DLG2: variants seen among roughly 807,000 people sequenced by gnomAD.
The protein encoded by DLG2 is disks large homolog 2.
In DLG2, 45 loss-of-function variants were observed where a neutral mutation model predicts 132.5. The ratio of observed to expected loss-of-function variants is 0.34; its 90% CI spans 0.27 to 0.44. DLG2 has a LOEUF of 0.44. DLG2 is among the 20% of genes least tolerant of loss of function. DLG2 has a pLI of 1.00. For synonymous variants in DLG2, 424 were observed against 419.6 expected (o/e 1.01, Z -0.13); for missense variants, 1,045 against 1,196.9 (o/e 0.87, Z 1.87).
intron 6 of DLG2, among the ~76,000 whole-genome samples, chr11:85,047,694 A>T (rs1400232204): frequency 6.6e-6 from 1 of 151,956 alleles, no homozygotes; most frequent in Admixed American, 6.6e-5. Context: ...ATGAAAATAT[A>T]AAATTATACA....
At chr11:84,518,937 A>G (rs1210708060) in intron 7 of DLG2, among the ~76,000 whole-genome samples, 2 of 152,176 alleles carry the variant, frequency 1.3e-5, no homozygotes, top group East Asian at 1.9e-4. Context: ...CACATTTTAT[A>G]TAACAGTCTG....
intron 10 of DLG2, among the ~76,000 whole-genome samples, chr11:84,079,181 A>G (rs1444615902): frequency 6.6e-6 from 1 of 152,200 alleles, no homozygotes; most frequent in Non-Finnish European, 1.5e-5. Flanking sequence ...GTATATTTCA[A>G]AATATGTCTA....
chr11:83,989,668 C>T (rs945668834), intron 11 of DLG2, among the ~76,000 whole-genome samples: 23 of 152,116 alleles, frequency 1.5e-4, no homozygotes, highest in African/African-American at 5.5e-4. Flanking sequence ...ACTAAAGAGT[C>T]AACCGTCCTG....
intron 7 of DLG2, among the ~76,000 whole-genome samples, chr11:84,439,359 G>T (rs540875572): frequency 6.6e-6 from 1 of 152,110 alleles, no homozygotes. Context: ...AGTGCTCACC[G>T]GATACATAGG....
chr11:85,450,200 G>A (rs984169266), intron 3 of DLG2, among the ~76,000 whole-genome samples: 3 of 152,186 alleles, frequency 2.0e-5, no homozygotes, highest in Non-Finnish European at 2.9e-5. Flanking sequence ...AATTTTCAGA[G>A]CAGATATTTC....
chr11:84,526,794 T>C (rs1012824911), intron 7 of DLG2, among the ~76,000 whole-genome samples: 2 of 148,560 alleles, frequency 1.3e-5, no homozygotes, highest in Non-Finnish European at 3.0e-5. Context: ...TTTTTTTTTT[T>C]TTGAGACGGA....
At chr11:85,242,592 C>T (rs1381326520) in intron 4 of DLG2, among the ~76,000 whole-genome samples, 1 of 151,748 alleles carries the variant, frequency 6.6e-6, no homozygotes, top group East Asian at 1.9e-4. Flanking sequence ...TTTCTCTTTG[C>T]TTTCAACAAC....
chr11:84,154,303 T>G (rs1042642936), intron 9 of DLG2, among the ~76,000 whole-genome samples: 2 of 152,198 alleles, frequency 1.3e-5, no homozygotes, highest in African/African-American at 4.8e-5. Flanking sequence ...CAGCCATTAA[T>G]ATTTTTAAAT....
chr11:84,698,998 T>C (rs139757567), intron 6 of DLG2, among the ~76,000 whole-genome samples: 7 of 151,736 alleles, frequency 4.6e-5, no homozygotes, highest in Non-Finnish European at 7.4e-5. Flanking sequence ...TAAAATCCCA[T>C]AGTCTGTGAT....
At chr11:84,772,396 A>G (rs1398780135) in intron 6 of DLG2, among the ~76,000 whole-genome samples, 2 of 152,168 alleles carry the variant, frequency 1.3e-5, no homozygotes, top group Admixed American at 6.5e-5. Context: ...TTGAGGCAGA[A>G]TAGTATCAAG....
chr11:85,261,102 G>A (rs2076916784), intron 4 of DLG2, among the ~76,000 whole-genome samples: 1 of 152,178 alleles, frequency 6.6e-6, no homozygotes, highest in African/African-American at 2.4e-5. Flanking sequence ...AAGCAAGTTT[G>A]TAAGAGAGAA....
chr11:85,240,631 T>C (rs1349810469), intron 4 of DLG2, among the ~76,000 whole-genome samples: 1 of 151,964 alleles, frequency 6.6e-6, no homozygotes, highest in South Asian at 2.1e-4. Flanking sequence ...TATTTTTCTG[T>C]ATGTGTGGTC....
chr11:84,254,654 ATTAC>A, intron 7 of DLG2, among the ~76,000 whole-genome samples: 1 of 151,534 alleles, frequency 6.6e-6, no homozygotes, highest in African/African-American at 2.4e-5. Context: ...TTTAGTTACT[ATTAC>A]TTAACTAAAT....
At chr11:83,854,643 C>A (rs1279028343) in intron 16 of DLG2, among the ~76,000 whole-genome samples, 1 of 152,000 alleles carries the variant, frequency 6.6e-6, no homozygotes, top group East Asian at 1.9e-4. Context: ...ACTATAAACT[C>A]CTTGGAGATA....
intron 7 of DLG2, among the ~76,000 whole-genome samples, chr11:84,331,593 A>G (rs1600056208): frequency 1.3e-5 from 1 of 76,840 alleles, no homozygotes; most frequent in Non-Finnish European, 2.5e-5. Context: ...GCAGTGGGAG[A>G]GGTGGGGCGG....
chr11:84,314,038 C>G (rs2098329797), intron 7 of DLG2, among the ~76,000 whole-genome samples: 1 of 152,112 alleles, frequency 6.6e-6, no homozygotes, highest in African/African-American at 2.4e-5. Flanking sequence ...ACACAGTACC[C>G]CAAATAACAG....
intron 15 of DLG2, among the ~76,000 whole-genome samples, chr11:83,890,141 A>C (rs186761218): frequency 3.1e-4 from 47 of 152,214 alleles, no homozygotes; most frequent in African/African-American, 1.1e-3. Flanking sequence ...TTTTATATAA[A>C]AATAGAGAGG....
At chr11:84,809,673 A>G (rs2076357284) in intron 6 of DLG2, among the ~76,000 whole-genome samples, 1 of 151,982 alleles carries the variant, frequency 6.6e-6, no homozygotes. Flanking sequence ...ACCTTTTACA[A>G]TTGCTCAAAA....
intron 8 of DLG2, among the ~76,000 whole-genome samples, chr11:84,166,216 C>A (rs753049385): frequency 1.3e-5 from 2 of 151,948 alleles, no homozygotes; most frequent in African/African-American, 2.4e-5. Flanking sequence ...AAGAATACCC[C>A]CCCAGGGCTG....
Sources: allele counts gnomAD v4.1 joint callset (sites outside exome capture counted in the v4.1 genomes callset), GRCh38; gene constraint gnomAD v4.1.1; transcripts MANE v1.5; gene names NCBI Gene and HGNC (gene_info 2026-07-23, HGNC 2026-07-21).